The following CDKL4 variants were observed in gnomAD, a reference collection of about 807,000 sequenced individuals.
CDKL4 encodes cyclin dependent kinase like 4.
CDKL4 carries 44 observed loss-of-function variants against 42.0 expected under a neutral mutation model. The observed-to-expected ratio is 1.05, with a 90% CI of 0.82 to 1.35. The LOEUF is 1.35. Among genes scored for constraint, CDKL4 ranks in the 40% most tolerant of loss-of-function variants. The pLI is 0.00. For missense variants in CDKL4, 393 were observed against 369.9 expected (o/e 1.06, Z -0.51); for synonymous variants, 120 against 121.6 (o/e 0.99, Z 0.09).
At chr2:39,226,539 AT>A (rs1355549075) in intron 2 of CDKL4, among the ~76,000 whole-genome samples, 10 of 147,956 alleles carry the variant, frequency 6.8e-5, no homozygotes, top group African/African-American at 2.0e-4. Flanking sequence ...ATGCATAGAT[AT>A]TTTGTGTGTT....
At chr2:39,219,404 C>CTTATTTAT (rs35984945) in intron 3 of CDKL4, among the ~76,000 whole-genome samples, 9,852 of 148,446 alleles carry the variant, frequency 0.066, 425 homozygotes, top group Non-Finnish European at 0.09. Flanking sequence ...GAAACAGGTA[C>CTTATTTAT]TTATTTATTT....
At chr2:39,234,487 G>A (rs191296677) in intron 1 of CDKL4, among the ~76,000 whole-genome samples, 8 of 152,228 alleles carry the variant, frequency 5.3e-5, no homozygotes, top group Middle Eastern at 3.4e-3. Flanking sequence ...AAAGAAGTCC[G>A]AACGTATGTA....
chr2:39,207,985 C>A (rs1677309107), intron 4 of CDKL4, among the ~76,000 whole-genome samples: 2 of 151,938 alleles, frequency 1.3e-5, no homozygotes, highest in South Asian at 4.2e-4. Context: ...ACCTGTAATC[C>A]CAGCTACTCG....
the CDKL4 span, among the ~76,000 whole-genome samples, chr2:39,169,259 T>C: frequency 6.6e-6 from 1 of 152,354 alleles, no homozygotes; most frequent in South Asian, 2.1e-4. Context: ...AACACACCTA[T>C]TTTATTTACA....
exon 6 of CDKL4, chr2:39,190,320 T>C (rs983885196): frequency 1.2e-6 from 2 of 1,614,182 alleles, no homozygotes; most frequent in East Asian, 2.2e-5. Flanking sequence ...GTTCTGATTA[T>C]CAGATAAAGT....
intron 9 of CDKL4, chr2:39,178,777 G>A (rs774993519): frequency 1.4e-5 from 22 of 1,585,866 alleles, no homozygotes; most frequent in Non-Finnish European, 1.6e-5. Flanking sequence ...TGAAAAGATG[G>A]AAGAGTCAAG....
At chr2:39,201,353 C>T (rs911112633) in intron 5 of CDKL4, among the ~76,000 whole-genome samples, 1 of 146,316 alleles carries the variant, frequency 6.8e-6, no homozygotes, top group Non-Finnish European at 1.5e-5. Context: ...GAAAAGGGAA[C>T]ACTTTTACAC....
At chr2:39,178,835 T>C (rs1042416079) in intron 9 of CDKL4, 4 of 1,519,484 alleles carry the variant, frequency 2.6e-6, no homozygotes, top group Non-Finnish European at 3.5e-6. Context: ...CTTGGATTCC[T>C]TTGCAATGCT....
chr2:39,224,125 G>A (rs1373326961), intron 3 of CDKL4, among the ~76,000 whole-genome samples: 6 of 151,966 alleles, frequency 3.9e-5, no homozygotes, highest in African/African-American at 1.5e-4. Context: ...ATTCATTCTG[G>A]CAAATAGTTT....
chr2:39,246,430 A>G (rs573133424), upstream of CDKL4, among the ~76,000 whole-genome samples: 4 of 152,304 alleles, frequency 2.6e-5, no homozygotes, highest in South Asian at 8.3e-4. Context: ...CAACCCATTT[A>G]TATCTTCATG....
chr2:39,228,145 T>A (rs1006335215), intron 2 of CDKL4, among the ~76,000 whole-genome samples: 7 of 152,220 alleles, frequency 4.6e-5, no homozygotes, highest in Non-Finnish European at 8.8e-5. Context: ...GCATTAACTT[T>A]ATCTGAAGAC....
chr2:39,179,656 C>T (rs564268533), intron 8 of CDKL4, among the ~76,000 whole-genome samples: 2 of 152,280 alleles, frequency 1.3e-5, no homozygotes, highest in South Asian at 4.1e-4. Context: ...AAAACATCAG[C>T]GTCGCAGGAA....
chr2:39,173,222 A>G (rs140294220), downstream of CDKL4, among the ~76,000 whole-genome samples: 737 of 152,358 alleles, frequency 4.8e-3, 4 homozygotes, highest in African/African-American at 0.017. Context: ...TACATAATAT[A>G]GAGAGATATA....
At chr2:39,221,014 T>G (rs1182751409) in intron 3 of CDKL4, among the ~76,000 whole-genome samples, 1 of 13,572 alleles carries the variant, frequency 7.4e-5, no homozygotes, top group African/African-American at 1.2e-4. Flanking sequence ...TTTTTTTTTG[T>G]TTTGTTTTTG....
rs191480594 is a variant in CDKL4 at position 39,229,634 on chromosome 2, T to C, written c.-56-46A>G. 7.7e-6 allele frequency: 7 copies of C among 914,548 alleles called. No homozygotes were observed. In the Admixed American group the frequency reaches 1.0e-4, roughly 13 times the overall value. The allele number at this position is 914,548 out of a possible 1,614,324, so 56.7% of individuals were successfully genotyped here. ...GCCTTAATCAAGCTATAAAAGACAA[T>C]GTTCTCACAGGTTATATACAACCAA... On this transcript the variant is annotated intron_variant, in intron 1 of 9. Transcript: ENST00000451199.
chr2:39,234,356 G>A (rs1484009972), intron 1 of CDKL4, among the ~76,000 whole-genome samples: 1 of 152,098 alleles, frequency 6.6e-6, no homozygotes, highest in Non-Finnish European at 1.5e-5. Flanking sequence ...ATGCTGATAG[G>A]AGAATAGATT....
At position 39,215,267 on chromosome 2, in the gene CDKL4, A is replaced by T. The variant is rs1342428925; in HGVS notation, c.291-1795T>A. 2.6e-5 allele frequency among the ~76,000 whole-genome samples: 4 copies of T among 152,172 alleles called. No homozygotes were observed. In the East Asian group the frequency reaches 7.7e-4, roughly 29 times the overall value. ...AGTGATTATTATTTTTCACACCCTTATTGGATACTACATTTCTTCTTTTGT... is the reference window on the plus strand; with the variant it reads ...AGTGATTATTATTTTTCACACCCTTTTTGGATACTACATTTCTTCTTTTGT... On this transcript the variant is annotated intron_variant, in intron 3 of 9. Transcript: ENST00000451199.
At chr2:39,199,062 A>G (rs1407641274) in intron 5 of CDKL4, among the ~76,000 whole-genome samples, 1 of 152,180 alleles carries the variant, frequency 6.6e-6, no homozygotes, top group African/African-American at 2.4e-5. Context: ...TGGTTCTTTG[A>G]AAAGATAAAT....
intron 2 of CDKL4, among the ~76,000 whole-genome samples, chr2:39,227,798 TCTC>T (rs1678847355): frequency 6.6e-6 from 1 of 152,156 alleles, no homozygotes; most frequent in African/African-American, 2.4e-5. Context: ...CCTGGTCCAA[TCTC>T]CTGTCTTTGG....
Sources: allele counts gnomAD v4.1 joint callset (sites outside exome capture counted in the v4.1 genomes callset), GRCh38; gene constraint gnomAD v4.1.1; transcripts MANE v1.5; gene names NCBI Gene and HGNC (gene_info 2026-07-23, HGNC 2026-07-21).